Variants in CLEC12A observed in about 807,000 individuals in gnomAD.
The protein encoded by CLEC12A is C-type lectin domain family 12 member A.
CLEC12A carries 22 observed loss-of-function variants against 26.5 expected under a neutral mutation model. That is an observed-to-expected ratio of 0.83 (90% CI 0.59 to 1.19). The LOEUF is 1.19. CLEC12A is among the 50% of genes most tolerant of loss of function. CLEC12A has a pLI of 0.00. For missense variants in CLEC12A, 353 were observed against 315.6 expected, an observed-to-expected ratio of 1.12 and a Z score of -0.90; for synonymous variants, 119 against 101.9, an observed-to-expected ratio of 1.17 and a Z score of -1.01.
downstream of CLEC12A, among the ~76,000 whole-genome samples, chr12:9,987,250 C>T (rs1399148543): frequency 6.6e-6 from 1 of 152,088 alleles, no homozygotes; most frequent in East Asian, 1.9e-4. Context: ...CCTAATATCC[C>T]CAGGTAGCAA....
chr12:9,981,361 G>A (rs1864548087), intron 4 of CLEC12A, among the ~76,000 whole-genome samples: 1 of 151,874 alleles, frequency 6.6e-6, no homozygotes, highest in Non-Finnish European at 1.5e-5. Flanking sequence ...AGCATTTTTG[G>A]TCTCTCACAT....
At chr12:9,951,387 G>A (rs1361051894) in intron 1 of CLEC12A, 1 of 702,936 alleles carries the variant, frequency 1.4e-6, no homozygotes, top group South Asian at 1.5e-5. Flanking sequence ...CCGACAGTGG[G>A]AATGGCTCCT....
At chr12:9,959,981 G>C (rs1303257789) in intron 1 of CLEC12A, among the ~76,000 whole-genome samples, 1 of 152,114 alleles carries the variant, frequency 6.6e-6, no homozygotes, top group Admixed American at 6.5e-5. Context: ...TTTCTGTATG[G>C]ACTTGCCTCT....
chr12:9,972,082 G>C (rs149569771), intron 1 of CLEC12A, among the ~76,000 whole-genome samples: 2 of 151,386 alleles, frequency 1.3e-5, no homozygotes, highest in Non-Finnish European at 2.9e-5. Context: ...ATAAGAAAAT[G>C]CTTTGTGTCA....
At chr12:9,998,274 A>G (rs1485287331), downstream of CLEC12A, 2 of 1,611,894 alleles carry the variant, frequency 1.2e-6, no homozygotes, top group East Asian at 4.5e-5. Context: ...GGCAGAGTCA[A>G]CACTTACACC....
At chr12:9,999,208 T>C (rs1270859988), downstream of CLEC12A, 2 of 753,600 alleles carry the variant, frequency 2.7e-6, no homozygotes, top group Non-Finnish European at 4.6e-6. Context: ...CTGTCTTTAG[T>C]AGGGTAGAAC....
chr12:9,956,914 G>A (rs943507785), intron 1 of CLEC12A, among the ~76,000 whole-genome samples: 1 of 152,116 alleles, frequency 6.6e-6, no homozygotes, highest in Non-Finnish European at 1.5e-5. Flanking sequence ...AGTTACCAGT[G>A]GAATTTAGAT....
At chr12:9,952,216 CGGTCTCCCTCTCATGT>C (rs1020885574) in intron 1 of CLEC12A, 1 of 138,928 alleles carries the variant, frequency 7.2e-6, no homozygotes, top group Non-Finnish European at 1.5e-5. Flanking sequence ...CCTCTCCCCA[CGGTCTCCCTCTCATGT>C]GGAGCCGAAG....
downstream of CLEC12A, among the ~76,000 whole-genome samples, chr12:9,989,130 G>T (rs534743038): frequency 1.1e-4 from 16 of 149,586 alleles, no homozygotes; most frequent in Admixed American, 4.1e-4. Context: ...ACCAAACACC[G>T]CATGTTCTCA....
chr12:9,963,123 TA>T (rs1348937233), intron 1 of CLEC12A, among the ~76,000 whole-genome samples: 3 of 152,104 alleles, frequency 2.0e-5, no homozygotes, highest in Non-Finnish European at 2.9e-5. Flanking sequence ...ATTGAAAAAC[TA>T]AACAGAATAA....
upstream of CLEC12A, among the ~76,000 whole-genome samples, chr12:9,967,952 G>A (rs760696425): frequency 6.2e-4 from 95 of 152,228 alleles, no homozygotes; most frequent in Non-Finnish European, 1.1e-3. Context: ...TCCGTGACTG[G>A]TGCCGGAGTT....
At chr12:9,973,792 C>G (rs1185223822) in intron 1 of CLEC12A, among the ~76,000 whole-genome samples, 1 of 152,098 alleles carries the variant, frequency 6.6e-6, no homozygotes, top group Non-Finnish European at 1.5e-5. Context: ...TTTTCAAAGA[C>G]AGACTTCCGT....
At chr12:9,993,777 G>C (rs976201257) in intron 4 of CLEC12A, among the ~76,000 whole-genome samples, 2 of 152,042 alleles carry the variant, frequency 1.3e-5, no homozygotes, top group African/African-American at 2.4e-5. Flanking sequence ...AACACAGCAG[G>C]CTGTATTGTA....
chr12:9,963,849 G>A (rs542839435), intron 1 of CLEC12A, among the ~76,000 whole-genome samples: 1 of 152,224 alleles, frequency 6.6e-6, no homozygotes, highest in Non-Finnish European at 1.5e-5. Context: ...AGCCATCAGA[G>A]GTTGTAATGG....
intron 1 of CLEC12A, among the ~76,000 whole-genome samples, chr12:9,959,262 C>T (rs538076292): frequency 1.3e-4 from 19 of 151,874 alleles, no homozygotes; most frequent in African/African-American, 4.6e-4. Context: ...ACCAGCCTGG[C>T]CAACATGATG....
At chr12:10,000,820 TC>T in the CLEC12A span, among the ~76,000 whole-genome samples, 2 of 152,368 alleles carry the variant, frequency 1.3e-5, no homozygotes, top group East Asian at 3.9e-4. Context: ...CATCAGCAAG[TC>T]CTGAGGCTAT....
At chr12:9,994,718 A>G (rs1258294098) in intron 4 of CLEC12A, among the ~76,000 whole-genome samples, 1 of 152,092 alleles carries the variant, frequency 6.6e-6, no homozygotes, top group Non-Finnish European at 1.5e-5. Flanking sequence ...ACTCAAAAGG[A>G]CTCTCAAGAT....
At chr12:10,000,499 T>TA (rs143795772), downstream of CLEC12A, among the ~76,000 whole-genome samples, 548 of 151,532 alleles carry the variant, frequency 3.6e-3, 3 homozygotes, top group East Asian at 9.3e-3. Context: ...AATTCTTAAT[T>TA]AAAAAAAAAC....
intron 1 of CLEC12A, among the ~76,000 whole-genome samples, chr12:9,957,557 T>C (rs1352250188): frequency 6.6e-6 from 1 of 152,142 alleles, no homozygotes; most frequent in Non-Finnish European, 1.5e-5. Flanking sequence ...GTTGTATTCT[T>C]TTGAGATTTT....
Sources: gnomAD v4.1 joint callset for allele counts (sites outside exome capture counted in the v4.1 genomes callset) on GRCh38, gnomAD v4.1.1 for gene constraint, MANE v1.5 for transcripts, NCBI Gene and HGNC (gene_info 2026-07-23, HGNC 2026-07-21) for gene names.